Variants in DOCK8 observed in about 807,000 individuals in gnomAD.
DOCK8 encodes dedicator of cytokinesis 8.
In DOCK8, 141 loss-of-function variants were observed where a neutral mutation model predicts 245.6. The ratio of observed to expected loss-of-function variants is 0.57; its 90% CI spans 0.50 to 0.66. The LOEUF is 0.66. DOCK8 is among the 30% of genes least tolerant of loss of function. DOCK8 has a pLI of 0.00. For missense variants in DOCK8, 2,965 were observed against 2,603.4 expected (o/e 1.14, Z -3.02); for synonymous variants, 1,168 against 970.2 (o/e 1.20, Z -3.79).
chr9:291,529 A>G (rs530162958), intron 4 of DOCK8, among the ~76,000 whole-genome samples: 3 of 152,248 alleles, frequency 2.0e-5, no homozygotes, highest in Non-Finnish European at 4.4e-5. Context: ...TTCCTTTGCT[A>G]TTAAATATGC....
intron 7 of DOCK8, among the ~76,000 whole-genome samples, chr9:322,501 G>C (rs190569924): frequency 6.7e-6 from 1 of 148,656 alleles, no homozygotes; most frequent in South Asian, 2.1e-4. Context: ...TGTAGACTTT[G>C]GCAAGTTCCT....
upstream of DOCK8, among the ~76,000 whole-genome samples, chr9:212,655 A>G (rs1157095000): frequency 6.6e-6 from 1 of 152,244 alleles, no homozygotes; most frequent in Non-Finnish European, 1.5e-5. Flanking sequence ...GACAATTCTA[A>G]CCATCAAGAA....
chr9:298,196 G>A (rs1047558171), intron 4 of DOCK8, among the ~76,000 whole-genome samples: 39 of 152,264 alleles, frequency 2.6e-4, no homozygotes, highest in East Asian at 9.6e-4. Flanking sequence ...AGGCAGAGGC[G>A]GGTGGATCAC....
rs369901029 is a variant in DOCK8, at chr9:396,857, C to T, written c.3043C>T (p.Arg1015Cys). 33 of 1,613,902 alleles carry T rather than the reference C, an allele frequency of 2.0e-5. No individual in the cohort carries two copies. Among genetic ancestry groups the T allele is most frequent in the African/African-American group, 5.3e-5 (4 of 74,876 alleles). Residue 1015 changes from arginine (R) to cysteine (C), a missense_variant, in exon 25 of 48, where the codon CGT (arginine) becomes TGT (cysteine). Transcript: ENST00000432829. ...DSFRRTRFSD[R>C]FMDDITTIVN... The stretch of plus-strand genomic sequence containing the variant: ...TTTTCGGAGGACTCGTTTTTCTGAC[C>T]GTTTCATGGATGACATAACTACTAT...
chr9:302,492 T>G (rs2049599209), intron 4 of DOCK8, among the ~76,000 whole-genome samples: 1 of 152,080 alleles, frequency 6.6e-6, no homozygotes. Flanking sequence ...AAACAAAAAT[T>G]GACAAGTGGG....
chr9:419,057 G>A (rs1039762822), intron 30 of DOCK8, among the ~76,000 whole-genome samples: 1 of 152,202 alleles, frequency 6.6e-6, no homozygotes, highest in East Asian at 1.9e-4. Context: ...CTCTGATTCA[G>A]TTGAGGTGGG....
At chr9:419,708 T>C (rs1431342008) in intron 30 of DOCK8, among the ~76,000 whole-genome samples, 2 of 152,216 alleles carry the variant, frequency 1.3e-5, no homozygotes, top group Non-Finnish European at 2.9e-5. Flanking sequence ...TCATTGTTGT[T>C]GTTTGTGTTG....
intron 1 of DOCK8, among the ~76,000 whole-genome samples, chr9:223,669 A>G (rs1337906911): frequency 6.6e-6 from 1 of 151,952 alleles, no homozygotes; most frequent in Non-Finnish European, 1.5e-5. Flanking sequence ...GAGAAGTTTC[A>G]AAAAATATAG....
chr9:369,166 A>G (rs921588852), intron 15 of DOCK8: 1 of 36,242 alleles, frequency 2.8e-5, no homozygotes, highest in Admixed American at 3.3e-4. Flanking sequence ...CACCCAAAGA[A>G]AAAAAGAAAA....
chr9:395,940 G>A (rs979193256), intron 24 of DOCK8, among the ~76,000 whole-genome samples: 30 of 151,760 alleles, frequency 2.0e-4, no homozygotes, highest in Admixed American at 6.6e-4. Context: ...GTCAGTTGAC[G>A]AATTGTTTGC....
intron 16 of DOCK8, among the ~76,000 whole-genome samples, chr9:370,787 G>C (rs1019598113): frequency 7.9e-5 from 12 of 152,260 alleles, no homozygotes; most frequent in African/African-American, 2.9e-4. Flanking sequence ...ATGTTCCACA[G>C]GGAAGGGAGA....
intron 1 of DOCK8, among the ~76,000 whole-genome samples, chr9:247,311 G>T (rs1337974304): frequency 6.6e-6 from 1 of 151,964 alleles, no homozygotes; most frequent in Non-Finnish European, 1.5e-5. Flanking sequence ...CTATTTTACT[G>T]CTTCCACATT....
At position 360,339 on chromosome 9, in the gene DOCK8, A is replaced by T. The variant is rs1586796747; in HGVS notation, c.1680-7679A>T. On this transcript the variant is annotated intron_variant, in intron 14 of 47. Transcript: ENST00000432829. ...TCAAAATTTAAAAAAAAAAAAAAAG[A>T]ATAAAATAGAAACACTGATTTTTCT... Among the ~76,000 whole-genome samples, 9 of 149,908 alleles carry T rather than the reference A, an allele frequency of 6.0e-5. 1 individual carries two copies. Among genetic ancestry groups the T allele is most frequent in the African/African-American group, 2.2e-4 (9 of 40,788 alleles).
At chr9:283,450 G>A (rs1351267134) in intron 2 of DOCK8, among the ~76,000 whole-genome samples, 1 of 152,076 alleles carries the variant, frequency 6.6e-6, no homozygotes, top group East Asian at 1.9e-4. Flanking sequence ...TTTGCTACAT[G>A]AATATACTGC....
chr9:287,279 A>G (rs10968086), intron 3 of DOCK8, among the ~76,000 whole-genome samples: 1 of 152,142 alleles, frequency 6.6e-6, no homozygotes, highest in African/African-American at 2.4e-5. Flanking sequence ...CTATATGTTT[A>G]TAGGCTTGGG....
At chr9:314,285 C>T (rs1388842254) in intron 6 of DOCK8, 1 of 152,188 alleles carries the variant, frequency 6.6e-6, no homozygotes, top group Non-Finnish European at 1.5e-5. Context: ...CTTCCTCTTC[C>T]TCTCAGTTCT....
chr9:283,753 T>C (rs1031214096), intron 2 of DOCK8, among the ~76,000 whole-genome samples: 7 of 152,224 alleles, frequency 4.6e-5, no homozygotes, highest in Non-Finnish European at 1.0e-4. Flanking sequence ...AATAGAATTA[T>C]TCAGGCACAA....
At chr9:387,323 A>G (rs1420647221) in intron 23 of DOCK8, among the ~76,000 whole-genome samples, 1 of 152,008 alleles carries the variant, frequency 6.6e-6, no homozygotes, top group Non-Finnish European at 1.5e-5. Context: ...GGCACCTGTA[A>G]TCTCAGCTAC....
At chr9:258,874 G>A (rs1039615385) in intron 1 of DOCK8, among the ~76,000 whole-genome samples, 4 of 151,904 alleles carry the variant, frequency 2.6e-5, no homozygotes, top group East Asian at 1.9e-4. Flanking sequence ...TTGGGATTAC[G>A]GGCGTGAGCC....
Sources: gnomAD v4.1 joint callset for allele counts (sites outside exome capture counted in the v4.1 genomes callset) on GRCh38, gnomAD v4.1.1 for gene constraint, MANE v1.5 for transcripts, NCBI Gene and HGNC (gene_info 2026-07-23, HGNC 2026-07-21) for gene names.